Variants in BROX observed in about 807,000 individuals in gnomAD.
BROX encodes the protein BRO1 domain and CAAX motif containing.
BROX carries 53 observed loss-of-function variants against 61.0 expected under a neutral mutation model. The observed-to-expected ratio is 0.87, with a 90% CI of 0.70 to 1.09. BROX has a LOEUF of 1.09. Among genes scored for constraint, BROX ranks in the 50% least tolerant of loss-of-function variants. The pLI is 0.00. For missense variants in BROX, 489 were observed against 472.0 expected, an observed-to-expected ratio of 1.04 and a Z score of -0.33; for synonymous variants, 152 against 160.2, an observed-to-expected ratio of 0.95 and a Z score of 0.38.
rs780492298 is a variant in BROX at position 222,725,557 on chromosome 1, T to C, written c.580+2T>C. 6.3e-7 allele frequency: 1 copy of C among 1,577,098 alleles called. No individual in the cohort carries two copies. Among genetic ancestry groups the C allele is most frequent in the East Asian group, 2.2e-5 (1 of 44,614 alleles). On this transcript the variant is annotated splice_donor_variant, in intron 7 of 12. Coordinates refer to ENST00000340934, the MANE Select transcript of BROX (RefSeq NM_144695.4). LOFTEE classifies it high-confidence loss of function. ...AATGTCAGGCTGAAGCTCAAGAAGG[T>C]ATCCTAAATATTGTAAGATTTTTTT...
In BROX at chr1:222,715,793, A is replaced by G. The variant is rs1176437768; in HGVS notation, c.94A>G (p.Ile32Val). 7 of 1,582,818 alleles carry G rather than the reference A, an allele frequency of 4.4e-6. No individual in the cohort carries two copies. Among genetic ancestry groups the G allele is most frequent in the Non-Finnish European group, 6.0e-6 (7 of 1,161,534 alleles). ...AGTCACTGGCCCTTCTGCTTCAAAA[A>G]TATGCAAGTAAGTTTATTGATTGAA... ...GVVTGPSASK[I>V]CNDLRSSRAR... The change falls in exon 2 of 13, where the codon ATA becomes GTA. Residue 32 changes from isoleucine (I) to valine (V), a missense_variant. Transcript: ENST00000340934.
chr1:222,713,380 AG>A, intron 1 of BROX: 1 of 984,722 alleles, frequency 1.0e-6, no homozygotes, highest in Non-Finnish European at 1.2e-6. Context: ...GGTGGTAAAC[AG>A]GAAGTGGGCG....
Position 222,725,574 on chromosome 1 carries a change from G to A in BROX, c.580+19G>A. 1 of 1,548,392 alleles carries A rather than the reference G, an allele frequency of 6.5e-7. No individual in the cohort carries two copies. Among genetic ancestry groups the A allele is most frequent in the East Asian group, 2.3e-5 (1 of 44,272 alleles). ...CAAGAAGGTATCCTAAATATTGTAAGATTTTTTTAAATGAAAGTCTATATT... is the reference window on the plus strand; with the variant it reads ...CAAGAAGGTATCCTAAATATTGTAAAATTTTTTTAAATGAAAGTCTATATT... On this transcript the variant is annotated intron_variant, in intron 7 of 12. Transcript: ENST00000340934.
At chr1:222,732,121 CTATCTT>C (rs1384291255) in intron 12 of BROX, among the ~76,000 whole-genome samples, 20 of 152,242 alleles carry the variant, frequency 1.3e-4, no homozygotes, top group African/African-American at 4.8e-4. Context: ...CTTAAAATAA[CTATCTT>C]TATATTCTGT....
intron 1 of BROX, chr1:222,713,166 CG>C: frequency 2.0e-6 from 2 of 979,734 alleles, no homozygotes; most frequent in Non-Finnish European, 2.4e-6. Context: ...CCCCTTGCCC[CG>C]CATCTCCATT....
rs779155700 is a variant in BROX at position 222,732,698 on chromosome 1, G to C, written c.1220G>C (p.Gly407Ala). ...EPDIKPQKDT[G>A]CYIS ...GACATCAAACCTCAAAAGGACACTG[G>C]GTGCTACATCTCCTAAAATACAACT... Residue 407 changes from glycine (G) to alanine (A), a missense_variant, in exon 13 of 13, where the codon GGG becomes GCG. Transcript: ENST00000340934. 16 of 1,612,244 alleles carry C rather than the reference G, an allele frequency of 9.9e-6. No homozygotes were observed. Among genetic ancestry groups the C allele is most frequent in the Non-Finnish European group, 1.4e-5 (16 of 1,178,846 alleles).
In BROX at chr1:222,715,761, A is replaced by C; in HGVS notation, c.62A>C (p.Tyr21Ser). The C allele has an allele frequency of 6.3e-7, 1 of 1,596,224 alleles. No homozygotes were observed. The highest frequency in any genetic ancestry group is 8.5e-7 in the Non-Finnish European group (1 of 1,169,858). ...ACAGCTCCTGTGTCTTTTAATTACT[A>C]TGGTGTAGTCACTGGCCCTTCTGCT... ...KATAPVSFNYYGVVTGPSASK... is the reference protein window; with the variant it reads ...KATAPVSFNYSGVVTGPSASK... The change falls in exon 2 of 13, where the codon TAT becomes TCT. Residue 21 changes from tyrosine to serine, a missense_variant. Tyr to Ser is a moderately radical substitution (Grantham distance 144). Coordinates refer to ENST00000340934, the MANE Select transcript of BROX (RefSeq NM_144695.4).
At chr1:222,715,337 T>C (rs190325747) in intron 1 of BROX, 1 of 153,372 alleles carries the variant, frequency 6.5e-6, no homozygotes, top group Admixed American at 6.5e-5. Context: ...ATTGAAGTTA[T>C]TGTGGGCAGA....
rs564401837 is a variant in BROX, at chr1:222,714,459, A to G, written c.-16-1225A>G. 2.0e-5 allele frequency among the ~76,000 whole-genome samples: 3 copies of G among 150,112 alleles called. 1 individual carries two copies. In the South Asian group the frequency reaches 6.3e-4, roughly 32 times the overall value. On this transcript the variant is annotated intron_variant, in intron 1 of 12. Transcript: ENST00000340934. ...GTGATCTGCCCGCCTCGGCCTCCCAAAGTGCTGGGATTACAGGCGTGAGCC... is the reference window on the plus strand; with the variant it reads ...GTGATCTGCCCGCCTCGGCCTCCCAGAGTGCTGGGATTACAGGCGTGAGCC...
At chr1:222,716,132 C>T (rs1156367429) in intron 2 of BROX, among the ~76,000 whole-genome samples, 3 of 151,960 alleles carry the variant, frequency 2.0e-5, no homozygotes, top group African/African-American at 7.2e-5. Flanking sequence ...GAGTTTCACT[C>T]TTGTCGCCCA....
In BROX at chr1:222,728,771, A is replaced by G. The variant is rs775375462; in HGVS notation, c.699A>G (p.Ala233=). The G allele has an allele frequency of 3.1e-6, 5 of 1,603,604 alleles. 1 individual carries two copies. In the South Asian group the frequency reaches 3.3e-5, roughly 11 times the overall value. ...ADHTLSSLEP[A]YSAKWRKYLH... is the part of the protein sequence containing the mutation. The stretch of plus-strand genomic sequence containing the variant: ...ATACTTTATCCAGTTTGGAGCCTGC[A>G]TATTCTGCCAAATGGAGAAAATATC... The change falls in exon 9 of 13, where the codon GCA becomes GCG. Residue 233 remains alanine, a synonymous_variant. Coordinates refer to ENST00000340934, the MANE Select transcript of BROX (RefSeq NM_144695.4).
chr1:222,726,397 T>C (rs1021684329), intron 7 of BROX, among the ~76,000 whole-genome samples: 42 of 151,872 alleles, frequency 2.8e-4, no homozygotes, highest in Admixed American at 8.5e-4. Flanking sequence ...AAGACCTCCA[T>C]CTCTACAAAA....
chr1:222,723,747 C>T (rs538110110), intron 5 of BROX, among the ~76,000 whole-genome samples: 4 of 152,232 alleles, frequency 2.6e-5, no homozygotes, highest in Admixed American at 6.5e-5. Flanking sequence ...GGCATGATCT[C>T]GGCTCGCTGC....
intron 4 of BROX, among the ~76,000 whole-genome samples, chr1:222,719,935 T>C (rs1656940979): frequency 6.6e-6 from 1 of 152,240 alleles, no homozygotes; most frequent in African/African-American, 2.4e-5. Context: ...ATTTTTTACT[T>C]ACCTACTGTT....
At position 222,726,493 on chromosome 1, in the gene BROX, G is replaced by C. The variant is rs1047268775; in HGVS notation, c.581-675G>C. Among the ~76,000 whole-genome samples, 4 of 152,108 alleles carry C rather than the reference G, an allele frequency of 2.6e-5. No homozygotes were observed. The East Asian group carries it at 7.7e-4, about 29-fold the overall frequency. ...GCACTTTGGGTGGCCGAGGCAGGCAGATCACCTGAGGTTGGGAGTTCGAGA... is the reference window on the plus strand; with the variant it reads ...GCACTTTGGGTGGCCGAGGCAGGCACATCACCTGAGGTTGGGAGTTCGAGA... On this transcript the variant is annotated intron_variant, in intron 7 of 12. Transcript: ENST00000340934.
rs769787681 is a variant in BROX, at chr1:222,732,831, G to T, written c.*117G>T. 1.8e-5 allele frequency: 14 copies of T among 778,554 alleles called. No homozygotes were observed. In the South Asian group the frequency reaches 2.7e-4, roughly 15 times the overall value. The allele number at this position is 778,554 out of a possible 1,614,324, so 48.2% of individuals were successfully genotyped here. ...TGTAGAATAACTATTATATTCAGAG[G>T]GTTATCTGCCTTCAGCTTACTTGTT... is the stretch of plus-strand genomic sequence containing the variant. On this transcript the variant is annotated 3_prime_UTR_variant, in exon 13 of 13. Transcript: ENST00000340934.
intron 11 of BROX, among the ~76,000 whole-genome samples, chr1:222,731,146 T>C (rs1337565213): frequency 6.6e-6 from 1 of 152,210 alleles, no homozygotes; most frequent in Non-Finnish European, 1.5e-5. Flanking sequence ...TCCCCTTGTC[T>C]GCATTCTCAT....
intron 2 of BROX, among the ~76,000 whole-genome samples, chr1:222,716,327 G>C (rs1397169077): frequency 6.6e-6 from 1 of 152,150 alleles, no homozygotes. Flanking sequence ...TCAAACTCCT[G>C]ACCTCAAGTG....
At chr1:222,717,720 G>T (rs926982538) in intron 2 of BROX, 2 of 152,190 alleles carry the variant, frequency 1.3e-5, no homozygotes, top group African/African-American at 4.8e-5. Flanking sequence ...AGACTCAAGG[G>T]ATATACCATT....
Sources: allele counts gnomAD v4.1 joint callset (sites outside exome capture counted in the v4.1 genomes callset), GRCh38; gene constraint gnomAD v4.1.1; transcripts MANE v1.5; gene names NCBI Gene and HGNC (gene_info 2026-07-23, HGNC 2026-07-21).